The following SPECC1L variants were observed in gnomAD, a reference collection of about 807,000 sequenced individuals.
SPECC1L encodes sperm antigen with calponin homology and coiled-coil domains 1 like.
Under a neutral mutation model 116.8 loss-of-function variants are expected in SPECC1L, and 40 were observed. The ratio of observed to expected loss-of-function variants is 0.34; its 90% confidence interval spans 0.27 to 0.45. The LOEUF (loss-of-function observed/expected upper bound fraction) is 0.45. Among genes scored for constraint, SPECC1L ranks in the 20% least tolerant of loss-of-function variants. The pLI, the probability that SPECC1L is intolerant of heterozygous loss-of-function variation, is 1.00. For missense variants in SPECC1L, 1,110 were observed against 1,373.6 expected (o/e 0.81, Z 3.03); for synonymous variants, 504 against 500.6 (o/e 1.01, Z -0.09).
chr22:24,384,900 C>A (rs2042131458), intron 14 of SPECC1L, among the ~76,000 whole-genome samples: 1 of 151,914 alleles, frequency 6.6e-6, no homozygotes, highest in Non-Finnish European at 1.5e-5. Flanking sequence ...CATAGTGAAA[C>A]CCCGTCTCAA....
chr22:24,412,360 G>A (rs1449767288), intron 15 of SPECC1L: 4 of 512,400 alleles, frequency 7.8e-6, no homozygotes, highest in South Asian at 2.0e-5. Context: ...TTGGGGGTGC[G>A]TGTTCAGGTG....
intron 14 of SPECC1L, among the ~76,000 whole-genome samples, chr22:24,402,882 G>A (rs776939336): frequency 1.3e-4 from 20 of 152,184 alleles, no homozygotes; most frequent in Non-Finnish European, 2.8e-4. Flanking sequence ...GATCTTTTAT[G>A]ACATATTTTT....
intron 6 of SPECC1L, among the ~76,000 whole-genome samples, chr22:24,325,360 A>C (rs1339712150): frequency 6.6e-6 from 1 of 152,202 alleles, no homozygotes; most frequent in Non-Finnish European, 1.5e-5. Context: ...TCACAACAAG[A>C]ACTTAAGCAC....
At chr22:24,331,321 AAT>A (rs1369162719) in intron 8 of SPECC1L, among the ~76,000 whole-genome samples, 1 of 152,208 alleles carries the variant, frequency 6.6e-6, no homozygotes, top group Non-Finnish European at 1.5e-5. Flanking sequence ...TGCTCTAGTA[AAT>A]GGCTCAGAGA....
At chr22:24,290,372 A>G (rs1295284124) in intron 2 of SPECC1L, among the ~76,000 whole-genome samples, 2 of 152,230 alleles carry the variant, frequency 1.3e-5, no homozygotes, top group Non-Finnish European at 2.9e-5. Flanking sequence ...ATCTTTCCTC[A>G]TAAGTCATAA....
chr22:24,352,018 A>T (rs907042417), intron 11 of SPECC1L, among the ~76,000 whole-genome samples: 3 of 151,612 alleles, frequency 2.0e-5, no homozygotes, highest in Non-Finnish European at 2.9e-5. Flanking sequence ...CTCTTGCTCT[A>T]CAATAGTTTT....
intron 10 of SPECC1L, among the ~76,000 whole-genome samples, chr22:24,345,254 A>G (rs369011597): frequency 2.0e-5 from 3 of 152,292 alleles, no homozygotes; most frequent in Admixed American, 1.3e-4. Flanking sequence ...TGACTAGATA[A>G]CTGTATAGAA....
intron 11 of SPECC1L, among the ~76,000 whole-genome samples, chr22:24,350,404 A>AG (rs1306443865): frequency 6.6e-6 from 1 of 152,180 alleles, no homozygotes; most frequent in Non-Finnish European, 1.5e-5. Flanking sequence ...TTGATAAAAA[A>AG]TTGTGAGGTG....
rs565660128 is a variant in SPECC1L, at chr22:24,313,272, C to G, written c.154-41C>G. The G allele has an allele frequency of 5.6e-6, 9 of 1,608,104 alleles. No individual in the cohort carries two copies. In the East Asian group the frequency reaches 1.6e-4, roughly 28 times the overall value. ...TTGAGTCTCAAAATATCTAATCTTG[C>G]TTGATCTAGTAAATTTGTTTTTATT... On this transcript the variant is annotated intron_variant, in intron 3 of 16. Coordinates refer to ENST00000314328, the MANE Select transcript of SPECC1L (RefSeq NM_015330.6).
chr22:24,322,461 G>T lies in SPECC1L; in HGVS notation c.1481G>T (p.Arg494Leu). The part of the protein sequence containing the change: ...KSGRYMELEQ[R>L]YMDLAENARF... ...GGGCGCTATATGGAATTAGAGCAAC[G>T]TTACATGGACCTCGCTGAGAATGCC... The change falls in exon 5 of 17, where the codon CGT becomes CTT. Residue 494 changes from arginine (R) to leucine (L), a missense_variant. Physicochemically the swap from Arg to Leu is moderately radical, Grantham distance 102. Coordinates refer to ENST00000314328, the MANE Select transcript of SPECC1L (RefSeq NM_015330.6). The T allele has an allele frequency of 6.2e-7, 1 of 1,614,118 alleles. No individual in the cohort carries two copies. The highest frequency in any genetic ancestry group is 8.5e-7 in the Non-Finnish European group (1 of 1,180,030).
chr22:24,279,022 T>C (rs2048890745), intron 2 of SPECC1L, among the ~76,000 whole-genome samples: 2 of 152,208 alleles, frequency 1.3e-5, no homozygotes, highest in Admixed American at 6.5e-5. Context: ...GGGAGGTATA[T>C]GTATATGTGT....
intron 10 of SPECC1L, among the ~76,000 whole-genome samples, chr22:24,342,624 G>T (rs922191201): frequency 6.8e-6 from 1 of 146,288 alleles, no homozygotes; most frequent in Non-Finnish European, 1.5e-5. Context: ...AATGAGCTGA[G>T]ATTGTGCCAT....
chr22:24,298,454 T>C (rs942577015), intron 2 of SPECC1L, among the ~76,000 whole-genome samples: 12 of 152,198 alleles, frequency 7.9e-5, no homozygotes, highest in Non-Finnish European at 1.8e-4. Context: ...GCATTCTATA[T>C]ATAACAAGAT....
chr22:24,379,201 TTCTC>T (rs555140381), intron 14 of SPECC1L, among the ~76,000 whole-genome samples: 22 of 151,608 alleles, frequency 1.5e-4, no homozygotes, highest in Admixed American at 2.6e-4. Context: ...TAGTGAGATC[TTCTC>T]TCTATTAAAA....
At chr22:24,287,904 C>T (rs2049072773) in intron 2 of SPECC1L, among the ~76,000 whole-genome samples, 1 of 152,032 alleles carries the variant, frequency 6.6e-6, no homozygotes, top group Admixed American at 6.6e-5. Context: ...TTGGGGTTGT[C>T]AGTCTGTGCC....
chr22:24,329,002 A>G (rs1161348100), intron 7 of SPECC1L, 83 bp downstream of exon 7: 1 of 1,082,478 alleles, frequency 9.2e-7, no homozygotes, highest in South Asian at 1.3e-5. Flanking sequence ...GTTATCATTC[A>G]TCTTAAGTTT....
At chr22:24,411,552 A>G (rs1376447516) in intron 14 of SPECC1L, 36 bp from the exon 15 acceptor site, 4 of 1,580,662 alleles carry the variant, frequency 2.5e-6, no homozygotes, top group Non-Finnish European at 2.6e-6. Flanking sequence ...GGGTCCCAGC[A>G]TGTGTTGGTT....
At chr22:24,367,074 G>T (rs936150234) in intron 13 of SPECC1L, among the ~76,000 whole-genome samples, 1 of 152,164 alleles carries the variant, frequency 6.6e-6, no homozygotes, top group Non-Finnish European at 1.5e-5. Context: ...CGCACCTGCA[G>T]TCCCAGCTAC....
intron 4 of SPECC1L, 48 bp downstream of exon 4, chr22:24,313,514 T>C (rs1263579890): frequency 6.3e-7 from 1 of 1,597,906 alleles, no homozygotes; most frequent in South Asian, 1.1e-5. Flanking sequence ...TTTGTTTGAA[T>C]GGGCATGATG....
Sources: allele counts gnomAD v4.1 joint callset (sites outside exome capture counted in the v4.1 genomes callset), GRCh38; gene constraint gnomAD v4.1.1; transcripts MANE v1.5; gene names NCBI Gene and HGNC (gene_info 2026-07-23, HGNC 2026-07-21).